The following TGFB3 variants were observed in gnomAD, a reference collection of about 807,000 sequenced individuals.
TGFB3 encodes transforming growth factor beta-3 proprotein.
In TGFB3, 5 loss-of-function variants were observed where a neutral mutation model predicts 40.1. The ratio of observed to expected loss-of-function variants is 0.12; its 90% CI spans 0.07 to 0.26. The LOEUF (loss-of-function observed/expected upper bound fraction) is 0.26. Ranked by LOEUF, TGFB3 falls within the 10% of genes least tolerant of loss-of-function variation. The pLI, the probability that TGFB3 is intolerant of heterozygous loss-of-function variation, is 1.00. For missense variants in TGFB3, 373 were observed against 530.1 expected (o/e 0.70, Z 2.91); for synonymous variants, 184 against 205.6 (o/e 0.89, Z 0.90).
intron 3 of TGFB3, among the ~76,000 whole-genome samples, chr14:75,967,039 G>C (rs1305097077): frequency 6.6e-6 from 1 of 152,164 alleles, no homozygotes; most frequent in Non-Finnish European, 1.5e-5. Flanking sequence ...TGAGCATCTG[G>C]CCTTGGAGAC....
chr14:75,959,393 C>T (rs751472477), intron 6 of TGFB3, 48 bp from the exon 7 acceptor site: 1 of 1,611,716 alleles, frequency 6.2e-7, no homozygotes, highest in East Asian at 2.2e-5. Flanking sequence ...AGTCTCAGGC[C>T]TGGAACCCAG....
At chr14:75,966,215 A>G (rs928523522) in intron 3 of TGFB3, 3 of 184,124 alleles carry the variant, frequency 1.6e-5, no homozygotes, top group African/African-American at 7.1e-5. Flanking sequence ...CACAAATTCA[A>G]AAAGCCACAG....
rs367967889 is a variant in TGFB3, at chr14:75,980,878, G to C, written c.16C>G (p.Gln6Glu). 2.2e-5 allele frequency: 36 copies of C among 1,613,994 alleles called. No individual in the cohort carries two copies. The highest frequency in any genetic ancestry group is 3.1e-5 in the Non-Finnish European group (36 of 1,180,036). The part of the protein sequence containing the change: MKMHL[Q>E]RALVVLALLN... The stretch of plus-strand genomic sequence containing the variant: ...AGGGCCAGGACCACCAGAGCCCTTT[G>C]CAAGTGCATCTTCATGTGTGAGCTG... Residue 6 changes from glutamine (Q) to glutamate (E), a missense_variant, in exon 1 of 7, where the codon CAA becomes GAA. Coordinates refer to ENST00000238682, the MANE Select transcript of TGFB3 (RefSeq NM_003239.5). This position sits in a 1 kb window ranked among gnomAD's most constrained non-coding sequence, Gnocchi z 4.3.
At chr14:75,967,863 T>C (rs1198949648) in intron 3 of TGFB3, among the ~76,000 whole-genome samples, 2 of 152,046 alleles carry the variant, frequency 1.3e-5, no homozygotes, top group Non-Finnish European at 2.9e-5. Context: ...AAACTCTTGT[T>C]AGAGACAAGG....
intron 4 of TGFB3, among the ~76,000 whole-genome samples, chr14:75,965,257 T>C (rs1447323756): frequency 1.3e-5 from 2 of 152,200 alleles, no homozygotes; most frequent in African/African-American, 4.8e-5. Context: ...TCCTTATTCA[T>C]TATCTCATTT....
In TGFB3 at chr14:75,958,944, CTG is replaced by C. The variant is rs1337590784; in HGVS notation, c.*241_*242del. ...CCCCTCTGTCTGCGTCACAGAAAGT[CTG>C]TGTGTTCTGAAGAGTTCAGCCTTCC... On this transcript the variant is annotated 3_prime_UTR_variant, in exon 7 of 7. Coordinates refer to ENST00000238682, the MANE Select transcript of TGFB3 (RefSeq NM_003239.5). 3.8e-6 allele frequency: 2 copies of C among 526,354 alleles called. No individual in the cohort carries two copies. The highest frequency in any genetic ancestry group is 3.5e-6 in the Non-Finnish European group (1 of 286,672). The allele number at this position is 526,354 out of a possible 1,614,324, so 32.6% of individuals were successfully genotyped here.
At chr14:75,959,873 T>C (rs1367403130) in intron 6 of TGFB3, among the ~76,000 whole-genome samples, 2 of 151,232 alleles carry the variant, frequency 1.3e-5, no homozygotes, top group African/African-American at 2.4e-5. Flanking sequence ...ACTGCACTTG[T>C]TTGGGGTGAT....
intron 1 of TGFB3, among the ~76,000 whole-genome samples, chr14:75,976,620 C>T (rs1406523492): frequency 2.0e-5 from 3 of 152,180 alleles, no homozygotes; most frequent in Non-Finnish European, 4.4e-5. Context: ...ACGGGAAGAA[C>T]TAATCAAGCT....
In TGFB3 at chr14:75,959,145, A is replaced by G; in HGVS notation, c.*42T>C. The G allele has an allele frequency of 6.2e-7, 1 of 1,613,582 alleles. No individual in the cohort carries two copies. Among genetic ancestry groups the G allele is most frequent in the Non-Finnish European group, 8.5e-7 (1 of 1,179,600 alleles). ...TTTCCCGAGGAGCGGGCAGTCAGGC[A>G]GTGGTGGTTCTCTCTCCCCTCTCTC... On this transcript the variant is annotated 3_prime_UTR_variant, in exon 7 of 7. Transcript: ENST00000238682.
intron 3 of TGFB3, chr14:75,970,575 A>AATG (rs1158328419): frequency 7.3e-6 from 1 of 136,720 alleles, no homozygotes; most frequent in Non-Finnish European, 1.5e-5. Flanking sequence ...TAATAATAAT[A>AATG]ATAATAATAA....
At chr14:75,970,222 C>CAT (rs1253400854) in intron 3 of TGFB3, among the ~76,000 whole-genome samples, 1 of 152,076 alleles carries the variant, frequency 6.6e-6, no homozygotes, top group African/African-American at 2.4e-5. Flanking sequence ...TCTCATCACA[C>CAT]CTGGAATAAG....
At chr14:75,977,009 T>G (rs1049423387) in intron 1 of TGFB3, among the ~76,000 whole-genome samples, 17 of 152,178 alleles carry the variant, frequency 1.1e-4, no homozygotes, top group African/African-American at 3.6e-4. Context: ...GAATCTACAT[T>G]TACCTCCAGC....
intron 3 of TGFB3, among the ~76,000 whole-genome samples, chr14:75,969,201 G>A (rs572817086): frequency 3.9e-5 from 6 of 152,326 alleles, no homozygotes; most frequent in African/African-American, 1.4e-4. Flanking sequence ...ACTCTTAGTT[G>A]CCTAAAACAC....
chr14:75,959,396 G>A, intron 6 of TGFB3, 51 bp from the exon 7 acceptor site: 1 of 1,610,402 alleles, frequency 6.2e-7, no homozygotes, highest in Non-Finnish European at 8.5e-7. Context: ...CTCAGGCCTG[G>A]AACCCAGGAA....
At chr14:75,965,719 G>A (rs371204949) in intron 3 of TGFB3, 24 bp from the exon 4 acceptor site, 25 of 1,588,502 alleles carry the variant, frequency 1.6e-5, no homozygotes, top group African/African-American at 2.7e-5. Context: ...CAGAATTAGT[G>A]AGAAAAGCAC....
intron 5 of TGFB3, 149 bp downstream of exon 5, chr14:75,963,167 C>CA (rs749812878): frequency 9.8e-5 from 89 of 906,440 alleles, no homozygotes; most frequent in South Asian, 6.7e-4. Context: ...GAGAAAATCT[C>CA]TGTGAGAGAT....
rs1404417517 is a variant in TGFB3 at position 75,978,818 on chromosome 14, G to T, written c.352+1724C>A. On this transcript the variant is annotated intron_variant, in intron 1 of 6. Transcript: ENST00000238682. This position sits in a 1 kb window ranked among gnomAD's most constrained non-coding sequence, Gnocchi z 5.0. Reference sequence around the variant, plus strand: ...ATTCTCAGCTCAGGATTCCGGGATGGGGGGGTCCTGGTGACTCAGAATGCT... The same window carrying T: ...ATTCTCAGCTCAGGATTCCGGGATGTGGGGGTCCTGGTGACTCAGAATGCT... 2.0e-5 allele frequency among the ~76,000 whole-genome samples: 3 copies of T among 152,162 alleles called. No homozygotes were observed. Among genetic ancestry groups the T allele is most frequent in the Non-Finnish European group, 2.9e-5 (2 of 68,018 alleles).
In TGFB3 at chr14:75,959,026, G is replaced by A. The variant is rs1595336483; in HGVS notation, c.*161C>T. 2 of 855,462 alleles carry A rather than the reference G, an allele frequency of 2.3e-6. No homozygotes were observed. The highest frequency in any genetic ancestry group is 2.6e-5 in the East Asian group (1 of 37,892). The allele number at this position is 855,462 out of a possible 1,614,324, so 53.0% of individuals were successfully genotyped here. On this transcript the variant is annotated 3_prime_UTR_variant, in exon 7 of 7. Transcript: ENST00000238682. ...CGTGATTCTCAGAGCCAGCAAGAAA[G>A]AAATGTTCCAAAAGGAAACCTCCAT...
intron 1 of TGFB3, among the ~76,000 whole-genome samples, chr14:75,977,313 C>T (rs2035365318): frequency 2.0e-5 from 3 of 152,030 alleles, no homozygotes; most frequent in African/African-American, 4.8e-5. Flanking sequence ...GGGATGACAA[C>T]GGAAGTAAAA....
Sources: gnomAD v4.1 joint callset for allele counts (sites outside exome capture counted in the v4.1 genomes callset) on GRCh38, gnomAD v4.1.1 for gene constraint, Gnocchi (gnomAD v3.1) non-coding constraint, MANE v1.5 for transcripts, NCBI Gene and HGNC (gene_info 2026-07-23, HGNC 2026-07-21) for gene names.